NDNF: variants seen among roughly 807,000 people sequenced by gnomAD.
The protein encoded by NDNF is protein NDNF.
A neutral mutation model predicts 42.0 loss-of-function variants in NDNF; 16 were observed. The ratio of observed to expected loss-of-function variants is 0.38; its 90% CI spans 0.26 to 0.58. The LOEUF is 0.58. Among genes scored for constraint, NDNF ranks in the 20% least tolerant of loss-of-function variants. The probability of loss-of-function intolerance (pLI) is 0.67; values close to 1 mark genes in which losing one functional copy is unlikely to be tolerated. For synonymous variants in NDNF, 248 were observed against 251.7 expected (o/e 0.99, Z 0.14); for missense variants, 616 against 666.2 (o/e 0.92, Z 0.83).
chr4:121,063,401 G>C (rs1469860292), intron 1 of NDNF, among the ~76,000 whole-genome samples: 1 of 152,008 alleles, frequency 6.6e-6, no homozygotes, highest in Non-Finnish European at 1.5e-5. Context: ...CCGATAACTT[G>C]TCTCTAAGGT....
At chr4:121,057,824 C>T (rs905200052) in intron 1 of NDNF, among the ~76,000 whole-genome samples, 7 of 152,112 alleles carry the variant, frequency 4.6e-5, no homozygotes, top group African/African-American at 7.2e-5. Context: ...AATAGGATTG[C>T]GACAGTGTGG....
At chr4:121,050,058 T>C (rs2390103) in intron 1 of NDNF, among the ~76,000 whole-genome samples, 117,514 of 152,062 alleles carry the variant, frequency 0.77, 46,280 homozygotes, top group East Asian at 0.88. Flanking sequence ...ACAAGGAGCA[T>C]TGAATATAGC....
In NDNF at chr4:121,037,075, A is replaced by G. The variant is rs1325413139; in HGVS notation, c.896T>C (p.Phe299Ser). Residue 299 changes from phenylalanine to serine, a missense_variant, in exon 4 of 4, where the codon TTC (phenylalanine) becomes TCC (serine). Physicochemically the swap from Phe to Ser is radical, Grantham distance 155. Coordinates refer to ENST00000379692, the MANE Select transcript of NDNF (RefSeq NM_024574.4). The part of the protein sequence containing the change: ...QKICIGNKNI[F>S]TVSDLKPDTQ... ...GTCGGGTTTCAGATCAGAGACGGTG[A>G]AGATGTTCTTGTTTCCTATGCAGAT... The G allele has an allele frequency of 6.2e-7, 1 of 1,613,890 alleles. No individual in the cohort carries two copies. Among genetic ancestry groups the G allele is most frequent in the East Asian group, 2.2e-5 (1 of 44,878 alleles).
rs201707169 is a variant in NDNF at position 121,039,245 on chromosome 4, G to GTATA, written c.313+681_313+684dup. ...ATATATATATATATATAAAGACTAT[G>GTATA]TATATATATATAGTCATTTGTAGGG... On this transcript the variant is annotated intron_variant, in intron 3 of 3. Transcript: ENST00000379692. 3.0e-3 allele frequency among the ~76,000 whole-genome samples: 365 copies of GTATA among 120,414 alleles called. 2 individuals are homozygous for GTATA. The highest frequency in any genetic ancestry group is 0.011 in the African/African-American group (335 of 29,358). The allele number at this position is 120,414 out of a possible 152,430, so 79.0% of individuals were successfully genotyped here.
intron 2 of NDNF, 28 bp from the exon 3 acceptor site, chr4:121,040,082 G>A (rs772364224): frequency 3.2e-5 from 51 of 1,593,052 alleles, no homozygotes; most frequent in African/African-American, 6.8e-5. Flanking sequence ...ACTTTAGACC[G>A]TGGTAATTCT....
In NDNF at chr4:121,046,646, A is replaced by G. The variant is rs550520249; in HGVS notation, c.-1-808T>C. Among the ~76,000 whole-genome samples, 10 of 152,338 alleles carry G rather than the reference A, an allele frequency of 6.6e-5. No homozygotes were observed. In the East Asian group the frequency reaches 1.7e-3, roughly 27 times the overall value. ...AACCTTCACTCACACATCAAGCCAG[A>G]AAGGTGTATATTTAGAACATTTGTC... On this transcript the variant is annotated intron_variant, in intron 1 of 3. Coordinates refer to ENST00000379692, the MANE Select transcript of NDNF (RefSeq NM_024574.4).
intron 1 of NDNF, among the ~76,000 whole-genome samples, chr4:121,057,469 A>C (rs1354983310): frequency 1.3e-5 from 2 of 152,204 alleles, no homozygotes; most frequent in Non-Finnish European, 1.5e-5. Flanking sequence ...GCCAAGCCAC[A>C]GGGACTGGAA....
chr4:121,059,162 T>C (rs930245413), intron 1 of NDNF, among the ~76,000 whole-genome samples: 8 of 152,234 alleles, frequency 5.3e-5, no homozygotes, highest in African/African-American at 1.9e-4. Flanking sequence ...CTCATATTTC[T>C]ATTGAAGACC....
chr4:121,072,148 G>C lies in NDNF; in HGVS notation c.-157C>G, dbSNP rs896054931. 1.3e-5 allele frequency: 2 copies of C among 152,418 alleles called. No individual in the cohort carries two copies. The highest frequency in any genetic ancestry group is 4.8e-5 in the African/African-American group (2 of 41,474). The allele number at this position is 152,418 out of a possible 1,614,324, so 9.4% of individuals were successfully genotyped here. A position where few individuals can be genotyped will look rare whatever the true frequency, so the allele number is the denominator to read the frequency against. ...AGGGCGGGGACGGAGGCAGATAAAA[G>C]AGAAAAATTCAATCCGCTGAAGTGT... On this transcript the variant is annotated 5_prime_UTR_variant, in exon 1 of 4. Coordinates refer to ENST00000379692, the MANE Select transcript of NDNF (RefSeq NM_024574.4).
At chr4:121,062,036 A>C (rs1298011073) in intron 1 of NDNF, among the ~76,000 whole-genome samples, 2 of 152,192 alleles carry the variant, frequency 1.3e-5, no homozygotes, top group Non-Finnish European at 2.9e-5. Context: ...AGTTTCTCAG[A>C]CTGGTTGCAA....
rs1579305830 is a variant in NDNF, at chr4:121,036,074, G to A, written c.*190C>T. On this transcript the variant is annotated 3_prime_UTR_variant, in exon 4 of 4. Transcript: ENST00000379692. ...CATCAGACACACACTAGGTACCATG[G>A]GGCACGCTAGAACAAGTCTCCTTCA... is the stretch of plus-strand genomic sequence containing the variant. The A allele has an allele frequency of 5.4e-6, 3 of 559,738 alleles. No individual in the cohort carries two copies. The highest frequency in any genetic ancestry group is 5.5e-5 in the South Asian group (2 of 36,554). The allele number at this position is 559,738 out of a possible 1,614,324, so 34.7% of individuals were successfully genotyped here. A position where few individuals can be genotyped will look rare whatever the true frequency, so the allele number is the denominator to read the frequency against.
intron 1 of NDNF, among the ~76,000 whole-genome samples, chr4:121,068,760 C>T (rs1282955665): frequency 2.6e-5 from 4 of 151,998 alleles, no homozygotes; most frequent in Non-Finnish European, 4.4e-5. Context: ...TATCGACCAC[C>T]TTATCATGGA....
intron 1 of NDNF, among the ~76,000 whole-genome samples, chr4:121,066,112 T>C (rs991261012): frequency 1.3e-5 from 2 of 152,194 alleles, no homozygotes; most frequent in Non-Finnish European, 2.9e-5. Context: ...ATTAGTATGG[T>C]GAATCCTGCT....
At chr4:121,069,340 C>T (rs1727551804) in intron 1 of NDNF, among the ~76,000 whole-genome samples, 1 of 152,168 alleles carries the variant, frequency 6.6e-6, no homozygotes, top group East Asian at 1.9e-4. Flanking sequence ...GGGGGCTTCT[C>T]TTGTCCTTAG....
chr4:121,048,402 A>G (rs1369605464), intron 1 of NDNF, among the ~76,000 whole-genome samples: 1 of 152,220 alleles, frequency 6.6e-6, no homozygotes, highest in Non-Finnish European at 1.5e-5. Context: ...AGTATGACTT[A>G]GCAGGACAAG....
At position 121,039,169 on chromosome 4, in the gene NDNF, ATAAAGAC is replaced by A. The variant is rs1560603133; in HGVS notation, c.313+754_313+760del. On this transcript the variant is annotated intron_variant, in intron 3 of 3. Transcript: ENST00000379692. ...TGTATATATATATGTATATATATATATAAAGACTATGTGTGTGTGTGTGTATATATAT... is the reference window on the plus strand; with the variant it reads ...TGTATATATATATGTATATATATATATATGTGTGTGTGTGTGTATATATAT... Among the ~76,000 whole-genome samples the A allele has an allele frequency of 3.4e-3, 85 of 25,012 alleles. 4 individuals are homozygous for A. The highest frequency in any genetic ancestry group is 0.019 in the Non-Finnish European group (76 of 4,054). The allele number at this position is 25,012 out of a possible 152,430, so 16.4% of individuals were successfully genotyped here. A position where few individuals can be genotyped will look rare whatever the true frequency, so the allele number is the denominator to read the frequency against.
At chr4:121,066,528 CCTAA>C (rs1431156448) in intron 1 of NDNF, among the ~76,000 whole-genome samples, 2 of 152,172 alleles carry the variant, frequency 1.3e-5, no homozygotes, top group Non-Finnish European at 2.9e-5. Context: ...CAACACTACC[CCTAA>C]CTGTCTGCCA....
intron 1 of NDNF, among the ~76,000 whole-genome samples, chr4:121,050,630 A>G (rs1314021989): frequency 6.6e-6 from 1 of 152,138 alleles, no homozygotes; most frequent in African/African-American, 2.4e-5. Flanking sequence ...CACAACCCAA[A>G]AGAACTTGGT....
chr4:121,052,063 C>T (rs577154840), intron 1 of NDNF, among the ~76,000 whole-genome samples: 9 of 152,258 alleles, frequency 5.9e-5, no homozygotes, highest in African/African-American at 2.2e-4. Context: ...ACAGCTTTAC[C>T]TACCTGTGAT....
Sources: allele counts gnomAD v4.1 joint callset (sites outside exome capture counted in the v4.1 genomes callset), GRCh38; gene constraint gnomAD v4.1.1; transcripts MANE v1.5; gene names NCBI Gene and HGNC (gene_info 2026-07-23, HGNC 2026-07-21).